PDE4D: variants seen among roughly 807,000 people sequenced by gnomAD.
The protein encoded by PDE4D is phosphodiesterase 4D, also known as 3',5'-cyclic-AMP phosphodiesterase 4D.
A neutral mutation model predicts 87.4 loss-of-function variants in PDE4D; 24 were observed. The observed-to-expected ratio is 0.27, with a 90% CI of 0.20 to 0.39. The LOEUF is 0.39. PDE4D is among the 10% of genes least tolerant of loss of function. PDE4D has a pLI of 1.00. For synonymous variants in PDE4D, 384 were observed against 383.2 expected, an observed-to-expected ratio of 1.00 and a Z score of -0.02; for missense variants, 714 against 1,041.0, an observed-to-expected ratio of 0.69 and a Z score of 4.32.
At chr5:59,802,833 A>T (rs914345049) in intron 1 of PDE4D, among the ~76,000 whole-genome samples, 26 of 152,212 alleles carry the variant, frequency 1.7e-4, no homozygotes, top group African/African-American at 6.0e-4. Context: ...GCATGAATTC[A>T]ATAGTCCCTG....
At chr5:59,976,593 T>C (rs1320235896) in intron 3 of PDE4D, among the ~76,000 whole-genome samples, 1 of 152,202 alleles carries the variant, frequency 6.6e-6, no homozygotes, top group Non-Finnish European at 1.5e-5. Context: ...TGCTAAACAA[T>C]GAGCCAAATA....
chr5:60,028,264 T>G (rs1201186953), intron 2 of PDE4D, among the ~76,000 whole-genome samples: 1 of 152,178 alleles, frequency 6.6e-6, no homozygotes, highest in Non-Finnish European at 1.5e-5. Flanking sequence ...TAGCTTCATG[T>G]TTTGGGGGCC....
intron 5 of PDE4D, among the ~76,000 whole-genome samples, chr5:59,090,401 C>T (rs1768482895): frequency 6.6e-6 from 1 of 152,110 alleles, no homozygotes; most frequent in African/African-American, 2.4e-5. Flanking sequence ...GTGGACATCT[C>T]TCCACAGGGA....
intron 1 of PDE4D, among the ~76,000 whole-genome samples, chr5:60,281,127 A>T (rs1751854747): frequency 6.6e-6 from 1 of 152,140 alleles, no homozygotes; most frequent in Admixed American, 6.5e-5. Flanking sequence ...CTCTCTCTCT[A>T]CTTTGTTTCA....
At chr5:59,422,034 C>T (rs1794562025) in intron 1 of PDE4D, among the ~76,000 whole-genome samples, 1 of 151,994 alleles carries the variant, frequency 6.6e-6, no homozygotes, top group African/African-American at 2.4e-5. Flanking sequence ...TATGTAATTG[C>T]AATTGTGACA....
chr5:60,366,434 T>C (rs1245180613), intron 1 of PDE4D, among the ~76,000 whole-genome samples: 1 of 152,100 alleles, frequency 6.6e-6, no homozygotes, highest in East Asian at 1.9e-4. Flanking sequence ...GCACTTGGGG[T>C]GAAGTTCTCC....
chr5:60,045,600 C>T (rs1489032140), intron 2 of PDE4D, among the ~76,000 whole-genome samples: 1 of 152,194 alleles, frequency 6.6e-6, no homozygotes, highest in Non-Finnish European at 1.5e-5. Context: ...GTTTTCCCAG[C>T]ACCATTTATT....
At chr5:59,725,170 A>G (rs545838058) in intron 1 of PDE4D, among the ~76,000 whole-genome samples, 23 of 152,118 alleles carry the variant, frequency 1.5e-4, no homozygotes, top group African/African-American at 5.3e-4. Flanking sequence ...CGGGGGGGAT[A>G]AATACCCACT....
intron 1 of PDE4D, among the ~76,000 whole-genome samples, chr5:59,722,901 T>G (rs1245084696): frequency 6.6e-6 from 1 of 152,136 alleles, no homozygotes; most frequent in Non-Finnish European, 1.5e-5. Context: ...TGTTTGCCCT[T>G]TTTCTGTTGT....
intron 2 of PDE4D, among the ~76,000 whole-genome samples, chr5:60,056,482 T>C (rs1770791909): frequency 6.6e-6 from 1 of 151,832 alleles, no homozygotes; most frequent in African/African-American, 2.4e-5. Context: ...TCCCCGCAAA[T>C]TTAAGTGGAA....
Position 59,524,313 on chromosome 5 carries a change from A to G in PDE4D, c.456-308345T>C, listed in dbSNP as rs1023259734. The stretch of plus-strand genomic sequence containing the variant: ...GACCAAAATGCTTATAGTGATACGA[A>G]CAATGACGTCCAGGCTGAGTTGGTC... On this transcript the variant is annotated intron_variant, in intron 1 of 14. Transcript: ENST00000340635. 2.0e-5 allele frequency among the ~76,000 whole-genome samples: 3 copies of G among 152,362 alleles called. No homozygotes were observed. In the East Asian group the frequency reaches 5.8e-4, roughly 29 times the overall value.
intron 1 of PDE4D, among the ~76,000 whole-genome samples, chr5:60,252,094 C>A (rs1345866483): frequency 6.6e-6 from 1 of 151,876 alleles, no homozygotes; most frequent in Non-Finnish European, 1.5e-5. Context: ...TACCATATAA[C>A]CTAGGTGTAT....
chr5:59,260,721 A>T (rs902381988), intron 1 of PDE4D, among the ~76,000 whole-genome samples: 1 of 151,744 alleles, frequency 6.6e-6, no homozygotes, highest in Non-Finnish European at 1.5e-5. Flanking sequence ...GAAAAACCAA[A>T]AAAAACAAAG....
intron 1 of PDE4D, among the ~76,000 whole-genome samples, chr5:59,617,970 C>T (rs1829907677): frequency 6.6e-6 from 1 of 152,112 alleles, no homozygotes; most frequent in South Asian, 2.1e-4. Flanking sequence ...CAACTACTGA[C>T]TTTCCCTTTA....
chr5:60,447,470 A>T (rs1225422279), intron 1 of PDE4D, among the ~76,000 whole-genome samples: 2 of 152,136 alleles, frequency 1.3e-5, no homozygotes. Context: ...AACTACAGAC[A>T]AGAGATTCAT....
intron 2 of PDE4D, among the ~76,000 whole-genome samples, chr5:60,163,005 T>G (rs923050914): frequency 4.6e-5 from 7 of 152,136 alleles, no homozygotes; most frequent in Non-Finnish European, 7.4e-5. Context: ...TTTTAAACAA[T>G]CTAAGTTAAT....
intron 1 of PDE4D, among the ~76,000 whole-genome samples, chr5:59,771,199 GC>G (rs1310009295): frequency 6.6e-6 from 1 of 151,034 alleles, no homozygotes; most frequent in Non-Finnish European, 1.5e-5. Context: ...CTCTATATCT[GC>G]CCTTGGGGAG....
chr5:59,334,340 C>G (rs1318118397), intron 1 of PDE4D, among the ~76,000 whole-genome samples: 1 of 146,688 alleles, frequency 6.8e-6, no homozygotes, highest in African/African-American at 2.5e-5. Flanking sequence ...CTCACTGCAA[C>G]CTCTGCCTCC....
intron 2 of PDE4D, among the ~76,000 whole-genome samples, chr5:59,993,470 C>T (rs1380698056): frequency 6.6e-6 from 1 of 152,016 alleles, no homozygotes; most frequent in African/African-American, 2.4e-5. Context: ...TAGAAGAATA[C>T]GTAATCATGT....
Sources: gnomAD v4.1 joint callset for allele counts (sites outside exome capture counted in the v4.1 genomes callset) on GRCh38, gnomAD v4.1.1 for gene constraint, MANE v1.5 for transcripts, NCBI Gene and HGNC (gene_info 2026-07-23, HGNC 2026-07-21) for gene names.